NAV2: variants seen among roughly 807,000 people sequenced by gnomAD.
NAV2 encodes the protein neuron navigator 2, also known as helicase, APC down-regulated 1.
In NAV2, 54 loss-of-function variants were observed where a neutral mutation model predicts 223.2. That is an observed-to-expected ratio of 0.24 (90% CI 0.19 to 0.30). The LOEUF (loss-of-function observed/expected upper bound fraction) is 0.30. Among genes scored for constraint, NAV2 ranks in the 10% least tolerant of loss-of-function variants. NAV2 has a pLI of 1.00. For missense variants in NAV2, 2,806 were observed against 3,147.5 expected, an observed-to-expected ratio of 0.89 and a Z score of 2.60; for synonymous variants, 1,279 against 1,239.3, an observed-to-expected ratio of 1.03 and a Z score of -0.67.
chr11:19,757,196 C>T (rs2054304650), intron 1 of NAV2, among the ~76,000 whole-genome samples: 1 of 152,196 alleles, frequency 6.6e-6, no homozygotes, highest in Admixed American at 6.5e-5. Context: ...CTTGGGCCTG[C>T]TCTCCTGGTG....
chr11:20,033,986 G>C (rs10766618), intron 11 of NAV2, among the ~76,000 whole-genome samples: 82,866 of 152,104 alleles, frequency 0.54, 23,961 homozygotes, highest in Admixed American at 0.67. Context: ...GCCACTCCTG[G>C]CTGAGCGGCC....
intron 1 of NAV2, among the ~76,000 whole-genome samples, chr11:19,642,131 T>C (rs1456782971): frequency 1.3e-5 from 2 of 152,188 alleles, no homozygotes; most frequent in African/African-American, 2.4e-5. Context: ...GGGATCCCAC[T>C]GGACATCCCT....
At position 20,092,628 on chromosome 11, in the gene NAV2, G is replaced by A. The variant is rs183291890; in HGVS notation, c.5815+260G>A. 2.0e-5 allele frequency among the ~76,000 whole-genome samples: 3 copies of A among 152,194 alleles called. No homozygotes were observed. In the East Asian group the frequency reaches 5.8e-4, roughly 29 times the overall value. On this transcript the variant is annotated intron_variant, in intron 28 of 37. Transcript: ENST00000349880. Reference sequence around the variant, plus strand: ...TCCCCTCGCCCACCATGCTGAGTTTGTTTGATCCATTTTAAGAGGCTGACC... The same window carrying A: ...TCCCCTCGCCCACCATGCTGAGTTTATTTGATCCATTTTAAGAGGCTGACC...
intron 1 of NAV2, among the ~76,000 whole-genome samples, chr11:19,484,073 C>T (rs909417640): frequency 1.3e-5 from 2 of 151,720 alleles, no homozygotes; most frequent in Admixed American, 6.6e-5. Flanking sequence ...TTCTGCTACA[C>T]TGATCTCCAT....
chr11:20,044,854 G>T (rs1006433947), intron 13 of NAV2, 114 bp from the exon 14 acceptor site: 22 of 798,512 alleles, frequency 2.8e-5, no homozygotes, highest in Non-Finnish European at 3.9e-5. Flanking sequence ...TCTTTCCTCT[G>T]CCTCCCCAAG....
intron 36 of NAV2, among the ~76,000 whole-genome samples, chr11:20,113,100 G>A (rs930169401): frequency 2.6e-5 from 4 of 152,206 alleles, no homozygotes; most frequent in African/African-American, 7.2e-5. Context: ...CTGTGAGCAT[G>A]TCCTGCCACA....
intron 10 of NAV2, among the ~76,000 whole-genome samples, chr11:19,957,835 C>T (rs977265942): frequency 9.9e-5 from 15 of 152,172 alleles, no homozygotes; most frequent in African/African-American, 1.2e-4. Flanking sequence ...CCAGCTTTGA[C>T]GTGGGCAGCC....
chr11:19,778,263 C>T, intron 1 of NAV2: 1 of 438,490 alleles, frequency 2.3e-6, no homozygotes, highest in Non-Finnish European at 4.5e-6. Context: ...TGGCGGGGAC[C>T]ATAATTCCCC....
At chr11:19,757,919 A>G (rs2152525926) in intron 1 of NAV2, among the ~76,000 whole-genome samples, 1 of 152,188 alleles carries the variant, frequency 6.6e-6, no homozygotes, top group African/African-American at 2.4e-5. Flanking sequence ...TCTTACCCCC[A>G]GTCTCTTGGT....
At position 20,103,652 on chromosome 11, in the gene NAV2, G is replaced by A. The variant is rs760944900; in HGVS notation, c.6573-1G>A. 6.2e-7 allele frequency: 1 copy of A among 1,613,926 alleles called. No individual in the cohort carries two copies. ...TTTCTTTTCCTTTATTTTATCCGCA[G>A]CCCTTACATAATTGGCACAATGAAC... On this transcript the variant is annotated splice_acceptor_variant, in intron 33 of 37. Transcript: ENST00000349880. LOFTEE classifies it high-confidence loss of function.
At position 19,649,589 on chromosome 11, in the gene NAV2, T is replaced by G. The variant is rs1277315446; in HGVS notation, c.76-182895T>G. On this transcript the variant is annotated intron_variant, in intron 1 of 37. Transcript: ENST00000360655. ...TGGAGGGGTCTCTCTGGGGCCTCTT[T>G]TATAAGTGCACTGATCCCACTCACA... is the stretch of plus-strand genomic sequence containing the variant. Among the ~76,000 whole-genome samples the G allele has an allele frequency of 3.3e-5, 5 of 152,272 alleles. No homozygotes were observed. The South Asian group carries it at 1.0e-3, about 32-fold the overall frequency.
At chr11:19,958,924 G>A (rs1036104655) in intron 10 of NAV2, among the ~76,000 whole-genome samples, 1 of 152,218 alleles carries the variant, frequency 6.6e-6, no homozygotes, top group Non-Finnish European at 1.5e-5. Flanking sequence ...GAGCCACAGG[G>A]CTGGGTAAGG....
chr11:19,838,445 T>C (rs113580523), intron 2 of NAV2, among the ~76,000 whole-genome samples: 79 of 151,674 alleles, frequency 5.2e-4, no homozygotes, highest in African/African-American at 1.8e-3. Flanking sequence ...GAGAAAATAG[T>C]GTGTAGAGAG....
chr11:20,032,988 G>A (rs552091097), intron 11 of NAV2, among the ~76,000 whole-genome samples: 1 of 152,350 alleles, frequency 6.6e-6, no homozygotes, highest in South Asian at 2.1e-4. Flanking sequence ...GAGTGACTAG[G>A]AGAGTATGTG....
intron 1 of NAV2, among the ~76,000 whole-genome samples, chr11:19,636,399 G>A (rs2047502741): frequency 6.6e-6 from 1 of 152,168 alleles, no homozygotes; most frequent in South Asian, 2.1e-4. Flanking sequence ...AGGGACCCAG[G>A]AGACTGCAGA....
intron 1 of NAV2, among the ~76,000 whole-genome samples, chr11:19,600,163 G>A (rs1247698605): frequency 6.6e-6 from 1 of 152,180 alleles, no homozygotes; most frequent in Non-Finnish European, 1.5e-5. Context: ...ACCTACCTCA[G>A]AATTGTCCCA....
intron 1 of NAV2, among the ~76,000 whole-genome samples, chr11:19,804,517 A>C (rs1271589485): frequency 6.6e-6 from 1 of 152,206 alleles, no homozygotes; most frequent in East Asian, 1.9e-4. Context: ...GCATTCTGTT[A>C]ATCAGCATAT....
chr11:19,666,751 C>T (rs1164526038), intron 1 of NAV2, among the ~76,000 whole-genome samples: 3 of 152,114 alleles, frequency 2.0e-5, no homozygotes, highest in Non-Finnish European at 4.4e-5. Context: ...CCTTTACCTC[C>T]ACCTCCACCT....
At chr11:19,988,128 G>C (rs1307148249) in intron 11 of NAV2, among the ~76,000 whole-genome samples, 1 of 152,208 alleles carries the variant, frequency 6.6e-6, no homozygotes, top group African/African-American at 2.4e-5. Context: ...CTCTGGGAAA[G>C]TTCTAAATCT....
Sources: gnomAD v4.1 joint callset for allele counts (sites outside exome capture counted in the v4.1 genomes callset) on GRCh38, gnomAD v4.1.1 for gene constraint, MANE v1.5 for transcripts, NCBI Gene and HGNC (gene_info 2026-07-23, HGNC 2026-07-21) for gene names.